Variants in FRMD5 observed in about 807,000 individuals in gnomAD.
FRMD5 encodes FERM domain-containing protein 5.
Under a neutral mutation model 69.0 loss-of-function variants are expected in FRMD5, and 20 were observed. That is an observed-to-expected ratio of 0.29 (90% CI 0.20 to 0.42). The LOEUF (loss-of-function observed/expected upper bound fraction) is 0.42, where lower values mean the gene tolerates loss of function less well. FRMD5 is among the 10% of genes least tolerant of loss of function. The pLI is 1.00. For missense variants in FRMD5, 595 were observed against 708.6 expected (o/e 0.84, Z 1.82); for synonymous variants, 271 against 260.1 (o/e 1.04, Z -0.40).
intron 1 of FRMD5, among the ~76,000 whole-genome samples, chr15:44,042,512 C>A (rs1892243993): frequency 6.6e-6 from 1 of 152,122 alleles, no homozygotes; most frequent in South Asian, 2.1e-4. Context: ...TGATGAACAT[C>A]AATGCGAAAA....
chr15:44,124,055 G>A (rs1440418264), intron 1 of FRMD5, among the ~76,000 whole-genome samples: 1 of 152,050 alleles, frequency 6.6e-6, no homozygotes, highest in Non-Finnish European at 1.5e-5. Context: ...GCAGTGGCAT[G>A]ACCTTGGCTC....
chr15:44,077,062 T>TC lies in FRMD5; in HGVS notation c.102+117890dup, dbSNP rs1893801392. ...TAACAACACTCTCGCCTTGATACTT[T>TC]CCCCAGAAAACATTTCTTTTGCTCA... On this transcript the variant is annotated intron_variant, in intron 1 of 13. Coordinates refer to ENST00000417257, the MANE Select transcript of FRMD5 (RefSeq NM_032892.5). Among the ~76,000 whole-genome samples, 3 of 152,058 alleles carry TC rather than the reference T, an allele frequency of 2.0e-5. No homozygotes were observed. In the South Asian group the frequency reaches 6.2e-4, roughly 32 times the overall value.
intron 1 of FRMD5, among the ~76,000 whole-genome samples, chr15:44,060,787 AC>A (rs1222622528): frequency 6.6e-6 from 1 of 152,178 alleles, no homozygotes; most frequent in Non-Finnish European, 1.5e-5. Context: ...TCCCTGGCAC[AC>A]TAACTTATTC....
At chr15:43,916,229 A>G (rs1355508712) in intron 4 of FRMD5, among the ~76,000 whole-genome samples, 4 of 152,238 alleles carry the variant, frequency 2.6e-5, no homozygotes, top group South Asian at 4.1e-4. Context: ...AGGCCTGGCC[A>G]TGGTCCTAAT....
At position 44,001,688 on chromosome 15, in the gene FRMD5, C is replaced by G. The variant is rs369576769; in HGVS notation, c.103-77379G>C. Among the ~76,000 whole-genome samples the G allele has an allele frequency of 3.2e-4, 49 of 151,964 alleles. 1 individual carries two copies. The highest frequency in any genetic ancestry group is 1.2e-3 in the African/African-American group (49 of 41,434). ...GTGGCATGAACACAGCTCACTGCAG[C>G]CTCCGCTTCCCACACTCAAGTGATC... On this transcript the variant is annotated intron_variant, in intron 1 of 13. Coordinates refer to ENST00000417257, the MANE Select transcript of FRMD5 (RefSeq NM_032892.5).
intron 1 of FRMD5, among the ~76,000 whole-genome samples, chr15:44,024,858 T>C (rs1161679987): frequency 1.3e-5 from 2 of 152,222 alleles, no homozygotes; most frequent in African/African-American, 4.8e-5. Flanking sequence ...GCACAGATTA[T>C]ACATTCAGTA....
At chr15:44,062,584 G>A (rs755477471) in intron 1 of FRMD5, among the ~76,000 whole-genome samples, 109 of 151,794 alleles carry the variant, frequency 7.2e-4, no homozygotes, top group Admixed American at 1.3e-3. Flanking sequence ...CCAGCTACTC[G>A]GGAAGCTGAG....
intron 1 of FRMD5, among the ~76,000 whole-genome samples, chr15:43,998,576 AC>A (rs1394396997): frequency 6.6e-6 from 1 of 152,194 alleles, no homozygotes; most frequent in African/African-American, 2.4e-5. Flanking sequence ...TAGGCTCTCT[AC>A]CTTATTCAGT....
At chr15:44,048,202 T>C (rs1378644853) in intron 1 of FRMD5, among the ~76,000 whole-genome samples, 1 of 152,224 alleles carries the variant, frequency 6.6e-6, no homozygotes, top group Non-Finnish European at 1.5e-5. Context: ...AGGGTTCTAG[T>C]TTCTCCACAT....
intron 1 of FRMD5, among the ~76,000 whole-genome samples, chr15:44,127,312 A>G (rs973912565): frequency 2.0e-5 from 3 of 152,198 alleles, no homozygotes; most frequent in African/African-American, 7.2e-5. Context: ...GCCTGGTCTC[A>G]GACTCCTGAC....
chr15:44,103,962 A>C (rs1015062938), intron 1 of FRMD5, among the ~76,000 whole-genome samples: 5 of 152,262 alleles, frequency 3.3e-5, no homozygotes, highest in Admixed American at 2.0e-4. Flanking sequence ...AAAGCATAGC[A>C]CATATAATTA....
intron 1 of FRMD5, among the ~76,000 whole-genome samples, chr15:44,079,476 C>T (rs1893908120): frequency 6.6e-6 from 1 of 152,026 alleles, no homozygotes; most frequent in Non-Finnish European, 1.5e-5. Flanking sequence ...CAAGATGATC[C>T]ATTGGAGCCA....
intron 13 of FRMD5, among the ~76,000 whole-genome samples, chr15:43,882,261 C>G (rs567084917): frequency 2.8e-4 from 42 of 152,292 alleles, no homozygotes; most frequent in Non-Finnish European, 5.0e-4. Flanking sequence ...TCTCTCTTCC[C>G]ACCTCGGCCT....
In FRMD5 at chr15:43,872,728, A is replaced by G. The variant is rs1338209647; in HGVS notation, c.*1157T>C. ...AAAGATTCTTTTCCTGGTCCCTTCTAAGGCTGTTGATCTTGGAATTCTATT... is the reference window on the plus strand; with the variant it reads ...AAAGATTCTTTTCCTGGTCCCTTCTGAGGCTGTTGATCTTGGAATTCTATT... On this transcript the variant is annotated 3_prime_UTR_variant, in exon 14 of 14. Transcript: ENST00000417257. 6.2e-6 allele frequency: 1 copy of G among 160,438 alleles called. No homozygotes were observed. Among genetic ancestry groups the G allele is most frequent in the Admixed American group, 6.1e-5 (1 of 16,448 alleles). The allele number at this position is 160,438 out of a possible 1,614,324, so 9.9% of individuals were successfully genotyped here. A position where few individuals can be genotyped will look rare whatever the true frequency, so the allele number is the denominator to read the frequency against.
At chr15:44,008,429 A>G (rs1890559380) in intron 1 of FRMD5, among the ~76,000 whole-genome samples, 1 of 148,576 alleles carries the variant, frequency 6.7e-6, no homozygotes, top group Non-Finnish European at 1.5e-5. Context: ...ACACCTGGCT[A>G]TTTTTTTTGT....
Position 44,173,690 on chromosome 15 carries a change from C to G in FRMD5, c.102+21263G>C, listed in dbSNP as rs117856994. On this transcript the variant is annotated intron_variant, in intron 1 of 13. Coordinates refer to ENST00000417257, the MANE Select transcript of FRMD5 (RefSeq NM_032892.5). ...CATGCCTGGCTAATTTTTTTTGTAT[C>G]TGTAGTAGAGACAGGGTTTCACCAT... Among the ~76,000 whole-genome samples, 1,442 of 151,908 alleles carry G rather than the reference C, an allele frequency of 9.5e-3. 9 individuals carry two copies. The highest frequency in any genetic ancestry group is 0.017 in the Non-Finnish European group (1,126 of 67,902).
intron 1 of FRMD5, among the ~76,000 whole-genome samples, chr15:44,049,736 G>A (rs551919564): frequency 2.8e-4 from 43 of 152,212 alleles, no homozygotes; most frequent in African/African-American, 1.0e-3. Flanking sequence ...ACTATGTGCT[G>A]GAAGTACATA....
intron 1 of FRMD5, among the ~76,000 whole-genome samples, chr15:44,125,957 A>G (rs1055656284): frequency 6.6e-6 from 1 of 152,244 alleles, no homozygotes. Context: ...GCTTTTGAAA[A>G]TGTAAGTAGT....
chr15:44,150,780 A>G (rs536062682), intron 1 of FRMD5, among the ~76,000 whole-genome samples: 7 of 151,772 alleles, frequency 4.6e-5, no homozygotes, highest in Non-Finnish European at 7.4e-5. Context: ...AACAGAGCAG[A>G]CCCTGTCTCA....
Sources: allele counts gnomAD v4.1 joint callset (sites outside exome capture counted in the v4.1 genomes callset), GRCh38; gene constraint gnomAD v4.1.1; transcripts MANE v1.5; gene names NCBI Gene and HGNC (gene_info 2026-07-23, HGNC 2026-07-21).